The following PGR variants were observed in gnomAD, a reference collection of about 807,000 sequenced individuals.
PGR encodes the protein nuclear receptor subfamily 3 group C member 3.
Under a neutral mutation model 76.1 loss-of-function variants are expected in PGR, and 25 were observed. The observed-to-expected ratio is 0.33, with a 90% CI of 0.24 to 0.46. The LOEUF (loss-of-function observed/expected upper bound fraction) is 0.46. Among genes scored for constraint, PGR ranks in the 20% least tolerant of loss-of-function variants. The pLI, the probability that PGR is intolerant of heterozygous loss-of-function variation, is 1.00. For missense variants in PGR, 1,172 were observed against 1,225.3 expected (o/e 0.96, Z 0.65); for synonymous variants, 579 against 535.0 (o/e 1.08, Z -1.14).
At chr11:101,041,499 T>C (rs548668) in intron 7 of PGR, among the ~76,000 whole-genome samples, 43,033 of 151,914 alleles carry the variant, frequency 0.28, 6,435 homozygotes, top group African/African-American at 0.39. Context: ...TCCTAAAAAA[T>C]AGAAACTTGA....
At chr11:101,078,070 G>T (rs1044979522) in intron 3 of PGR, among the ~76,000 whole-genome samples, 11 of 152,286 alleles carry the variant, frequency 7.2e-5, no homozygotes, top group Non-Finnish European at 1.6e-4. Context: ...TTGTAGCCTT[G>T]TTGGCTGTCA....
intron 6 of PGR, 136 bp from the exon 7 acceptor site, chr11:101,042,238 A>T: frequency 1.3e-6 from 1 of 769,862 alleles, no homozygotes; most frequent in Non-Finnish European, 2.1e-6. Flanking sequence ...TATAGGAAAG[A>T]GATAGTGTTA....
At chr11:101,127,384 G>T in intron 1 of PGR, 50 bp downstream of exon 1, 5 of 1,382,834 alleles carry the variant, frequency 3.6e-6, no homozygotes, top group Non-Finnish European at 4.8e-6. Flanking sequence ...CGCCGCCAAC[G>T]GAACCGCTAC....
At chr11:101,068,027 G>GCAAT (rs1308319945) in intron 3 of PGR, among the ~76,000 whole-genome samples, 1 of 152,104 alleles carries the variant, frequency 6.6e-6, no homozygotes, top group African/African-American at 2.4e-5. Context: ...GAAGAAATAT[G>GCAAT]CAATCAATTT....
Position 101,128,393 on chromosome 11 carries a change from G to T in PGR, c.678C>A (p.Gly226=). The part of the protein sequence containing the change: ...AAAVEVEEED[G]SESEESAGPL... ...GACCCGCAGACTCCTCGGACTCAGA[G>T]CCATCCTCCTCCTCAACCTCCACCG... The change falls in exon 1 of 8, where the codon GGC becomes GGA. Residue 226 remains glycine (G), a synonymous_variant. Transcript: ENST00000325455. 6.2e-7 allele frequency: 1 copy of T among 1,609,946 alleles called. No individual in the cohort carries two copies. Among genetic ancestry groups the T allele is most frequent in the South Asian group, 1.1e-5 (1 of 91,056 alleles).
In PGR at chr11:101,062,756, CA is replaced by C. The variant is rs749661993; in HGVS notation, c.1907-5del. The C allele has an allele frequency of 6.2e-7, 1 of 1,603,366 alleles. No homozygotes were observed. Among genetic ancestry groups the C allele is most frequent in the South Asian group, 1.1e-5 (1 of 89,788 alleles). On this transcript the variant is annotated splice_polypyrimidine_tract_variant and splice_region_variant and intron_variant, in intron 3 of 7. Transcript: ENST00000325455. The stretch of plus-strand genomic sequence containing the variant: ...TTGAACTTTTTAAATTTTCGACCTA[CA>C]GAGAAGAAAAAAAAGAAATTCATGT...
chr11:101,039,377 TCTCA>T, intron 7 of PGR, 106 bp from the exon 8 acceptor site: 1 of 869,240 alleles, frequency 1.2e-6, no homozygotes, highest in Non-Finnish European at 1.8e-6. Flanking sequence ...TATAAATACT[TCTCA>T]AGGTGTTTTT....
At chr11:101,046,226 G>C (rs1859875072) in intron 6 of PGR, among the ~76,000 whole-genome samples, 1 of 148,956 alleles carries the variant, frequency 6.7e-6, no homozygotes, top group African/African-American at 2.5e-5. Context: ...CCTAGGTTGA[G>C]GTGATCCTCC....
chr11:101,051,336 AAT>A, intron 5 of PGR, 86 bp downstream of exon 5: 2 of 891,720 alleles, frequency 2.2e-6, no homozygotes, highest in Non-Finnish European at 3.7e-6. Context: ...AAGAACACTA[AAT>A]ATGTGATCAT....
At position 101,053,710 on chromosome 11, in the gene PGR, CCCT is replaced by C. The variant is rs200637600; in HGVS notation, c.2213-2145_2213-2143del. On this transcript the variant is annotated intron_variant, in intron 4 of 7. Coordinates refer to ENST00000325455, the MANE Select transcript of PGR (RefSeq NM_000926.4). ...TTCTTCTCTCACTCCCTTCCTCCCTCCCTCCTTTCTTCCTTCCCTCTCTTTCTT... is the reference window on the plus strand; with the variant it reads ...TTCTTCTCTCACTCCCTTCCTCCCTCCCTTTCTTCCTTCCCTCTCTTTCTT... Among the ~76,000 whole-genome samples the C allele has an allele frequency of 7.6e-3, 1,136 of 150,322 alleles. 12 individuals carry two copies. Among genetic ancestry groups the C allele is most frequent in the African/African-American group, 0.026 (1,053 of 40,760 alleles).
intron 2 of PGR, among the ~76,000 whole-genome samples, chr11:101,110,796 C>T (rs1862321407): frequency 6.6e-6 from 1 of 152,136 alleles, no homozygotes; most frequent in Non-Finnish European, 1.5e-5. Flanking sequence ...TGGTAAACTT[C>T]ACTGTTGTCT....
Position 101,128,805 on chromosome 11 carries a change from C to A in PGR, c.266G>T (p.Arg89Ile). 1 of 1,614,190 alleles carries A rather than the reference C, an allele frequency of 6.2e-7. No individual in the cohort carries two copies. The highest frequency in any genetic ancestry group is 2.2e-5 in the East Asian group (1 of 44,866). The change falls in exon 1 of 8, where the codon AGA (arginine) becomes ATA (isoleucine). Residue 89 changes from arginine (R) to isoleucine (I), a missense_variant. Around this residue, in one of 4 missense-constraint regions of PGR, gnomAD observed 893 missense variants for 785.9 expected, o/e 1.14. Coordinates refer to ENST00000325455, the MANE Select transcript of PGR (RefSeq NM_000926.4). Reference protein sequence around the residue: ...SLSDVEGAYSRAEATRGAGGS... With the variant: ...SLSDVEGAYSIAEATRGAGGS... ...TCCAGCACCCCTTGTAGCTTCAGCT[C>A]TGGAATATGCGCCCTCCACGTCCGA... is the stretch of plus-strand genomic sequence containing the variant.
chr11:101,057,590 A>G (rs1860340008), intron 4 of PGR, among the ~76,000 whole-genome samples: 1 of 152,232 alleles, frequency 6.6e-6, no homozygotes, highest in Admixed American at 6.5e-5. Context: ...AGAATCAGTC[A>G]GGAGGCTGCA....
At chr11:101,062,056 A>G (rs942343052) in intron 4 of PGR, among the ~76,000 whole-genome samples, 2 of 152,162 alleles carry the variant, frequency 1.3e-5, no homozygotes, top group Admixed American at 6.5e-5. Flanking sequence ...ATGACTTTAT[A>G]CATTCAGTTT....
chr11:101,047,674 C>T (rs1004663339), intron 6 of PGR, among the ~76,000 whole-genome samples: 2 of 152,118 alleles, frequency 1.3e-5, no homozygotes, highest in Non-Finnish European at 2.9e-5. Flanking sequence ...GGCTCACCCT[C>T]GGCCTGAGGT....
chr11:101,062,940 TA>T (rs1244330622), intron 3 of PGR, 188 bp from the exon 4 acceptor site: 22 of 490,240 alleles, frequency 4.5e-5, no homozygotes, highest in East Asian at 1.1e-4. Flanking sequence ...AACTCTTGAT[TA>T]AAAAAAATTT....
intron 2 of PGR, among the ~76,000 whole-genome samples, chr11:101,107,536 C>T (rs1039996335): frequency 6.6e-6 from 1 of 152,118 alleles, no homozygotes. Flanking sequence ...AAAGAAACCA[C>T]AATCATTTGA....
In PGR at chr11:101,034,288, G is replaced by C. The variant is rs1859440657; in HGVS notation, c.*4828C>G. 1 of 218,934 alleles carries C rather than the reference G, an allele frequency of 4.6e-6. No homozygotes were observed. The highest frequency in any genetic ancestry group is 9.2e-6 in the Non-Finnish European group (1 of 109,038). The allele number at this position is 218,934 out of a possible 1,614,324, so 13.6% of individuals were successfully genotyped here. ...ATTCTGGGACTAGGCCAGCAGTCCT[G>C]CAACAGTCTTCCAGACTCCACAGCT... On this transcript the variant is annotated 3_prime_UTR_variant, in exon 8 of 8. Transcript: ENST00000325455.
intron 3 of PGR, among the ~76,000 whole-genome samples, chr11:101,070,769 C>A (rs1446522242): frequency 6.6e-6 from 1 of 152,160 alleles, no homozygotes; most frequent in Admixed American, 6.5e-5. Flanking sequence ...CAGACTGCCT[C>A]TCTAGACTCC....
Sources: gnomAD v4.1 joint callset for allele counts (sites outside exome capture counted in the v4.1 genomes callset) on GRCh38, gnomAD v4.1.1 for gene constraint, gnomAD v4.1.1 regional missense constraint, MANE v1.5 for transcripts, NCBI Gene and HGNC (gene_info 2026-07-23, HGNC 2026-07-21) for gene names.